Variants in ZRANB3 observed in about 807,000 individuals in gnomAD.
The protein encoded by ZRANB3 is DNA annealing helicase and endonuclease ZRANB3.
ZRANB3 carries 125 observed loss-of-function variants against 133.8 expected under a neutral mutation model. That is an observed-to-expected ratio of 0.93 (90% CI 0.81 to 1.08). The LOEUF is 1.08. Among genes scored for constraint, ZRANB3 ranks in the 50% least tolerant of loss-of-function variants. The pLI, the probability that ZRANB3 is intolerant of heterozygous loss-of-function variation, is 0.00. For missense variants in ZRANB3, 1,229 were observed against 1,275.5 expected (o/e 0.96, Z 0.56); for synonymous variants, 387 against 432.7 (o/e 0.89, Z 1.31).
chr2:135,431,232 C>CAGTG (rs1326323537), intron 2 of ZRANB3, among the ~76,000 whole-genome samples: 1 of 151,642 alleles, frequency 6.6e-6, no homozygotes, highest in Non-Finnish European at 1.5e-5. Flanking sequence ...GTCGAGGCTG[C>CAGTG]AGTGATCCAT....
intron 8 of ZRANB3, among the ~76,000 whole-genome samples, chr2:135,303,306 A>AAT (rs1265293626): frequency 6.6e-6 from 1 of 152,106 alleles, no homozygotes; most frequent in African/African-American, 2.4e-5. Context: ...AAAAGTTGGG[A>AAT]ATATTTTTAC....
At chr2:135,296,477 G>A (rs1028885246) in intron 8 of ZRANB3, among the ~76,000 whole-genome samples, 17 of 151,980 alleles carry the variant, frequency 1.1e-4, no homozygotes, top group East Asian at 3.9e-4. Flanking sequence ...TTAGCCATTC[G>A]TCTAATTTTT....
chr2:135,245,751 A>G (rs1359371083), intron 12 of ZRANB3, among the ~76,000 whole-genome samples: 1 of 149,944 alleles, frequency 6.7e-6, no homozygotes, highest in Non-Finnish European at 1.5e-5. Flanking sequence ...ACACGGAGAA[A>G]CCCCATCTCT....
chr2:135,441,061 C>A (rs1010589098), intron 2 of ZRANB3, among the ~76,000 whole-genome samples: 6 of 151,814 alleles, frequency 4.0e-5, no homozygotes, highest in African/African-American at 1.5e-4. Context: ...AAAAAAAATA[C>A]GGAAAAATCA....
rs111539193 is a variant in ZRANB3 at position 135,259,888 on chromosome 2, G to A, written c.1539+5646C>T. On this transcript the variant is annotated intron_variant, in intron 12 of 20. Transcript: ENST00000264159. ...GGCTTAGACGCCATCTAGTAATCTAGTGACTCAAATGGCTAGATAAATAAT... is the reference window on the plus strand; with the variant it reads ...GGCTTAGACGCCATCTAGTAATCTAATGACTCAAATGGCTAGATAAATAAT... Among the ~76,000 whole-genome samples, 31 of 152,088 alleles carry A rather than the reference G, an allele frequency of 2.0e-4. No homozygotes were observed. The East Asian group carries it at 3.3e-3, about 16-fold the overall frequency.
At chr2:135,405,889 C>A (rs1018610804) in intron 2 of ZRANB3, among the ~76,000 whole-genome samples, 3 of 151,834 alleles carry the variant, frequency 2.0e-5, no homozygotes, top group Admixed American at 6.6e-5. Context: ...AAATTGACAC[C>A]CTAACATCAC....
chr2:135,317,073 T>C (rs1184216382), intron 6 of ZRANB3, among the ~76,000 whole-genome samples: 1 of 150,834 alleles, frequency 6.6e-6, no homozygotes, highest in Non-Finnish European at 1.5e-5. Flanking sequence ...ATTATACACA[T>C]ACCATTTAGT....
intron 13 of ZRANB3, among the ~76,000 whole-genome samples, chr2:135,229,651 G>A (rs1694908102): frequency 6.6e-6 from 1 of 152,246 alleles, no homozygotes; most frequent in Admixed American, 6.5e-5. Context: ...ACAGGCGTGA[G>A]CCACCGCGCC....
chr2:135,319,781 T>C (rs191262162), intron 6 of ZRANB3, among the ~76,000 whole-genome samples: 224 of 152,246 alleles, frequency 1.5e-3, no homozygotes, highest in Non-Finnish European at 1.6e-3. Context: ...AATACATAAA[T>C]ATAACCCACT....
chr2:135,445,840 C>T (rs1289502482), intron 2 of ZRANB3, among the ~76,000 whole-genome samples: 3 of 144,372 alleles, frequency 2.1e-5, no homozygotes, highest in African/African-American at 5.2e-5. Flanking sequence ...TGTGCCACTG[C>T]ACTCTAGCCT....
chr2:135,267,423 G>A (rs1680302244), intron 11 of ZRANB3, among the ~76,000 whole-genome samples: 1 of 151,904 alleles, frequency 6.6e-6, no homozygotes, highest in African/African-American at 2.4e-5. Context: ...CATTCATAAG[G>A]GCAGAACCCT....
At chr2:135,384,346 T>A (rs534922984) in intron 3 of ZRANB3, among the ~76,000 whole-genome samples, 1 of 152,254 alleles carries the variant, frequency 6.6e-6, no homozygotes, top group Non-Finnish European at 1.5e-5. Context: ...ATTGAGGCAA[T>A]AATTAATAGA....
intron 2 of ZRANB3, among the ~76,000 whole-genome samples, chr2:135,486,813 C>A (rs1188044956): frequency 6.6e-6 from 1 of 152,118 alleles, no homozygotes; most frequent in Non-Finnish European, 1.5e-5. Flanking sequence ...GCACCCGGTC[C>A]CCTCTACTGA....
intron 12 of ZRANB3, among the ~76,000 whole-genome samples, chr2:135,242,086 C>A (rs768557887): frequency 1.3e-5 from 2 of 151,608 alleles, no homozygotes; most frequent in Non-Finnish European, 2.9e-5. Context: ...GGCTGAGGCA[C>A]GAGAATCGCT....
chr2:135,316,983 A>AAAAATATATAT (rs35114507), intron 6 of ZRANB3, among the ~76,000 whole-genome samples: 1 of 131,474 alleles, frequency 7.6e-6, no homozygotes. Flanking sequence ...AAAAAAAAAA[A>AAAAATATATAT]ATATATATAT....
At position 135,199,260 on chromosome 2, in the gene ZRANB3, A is replaced by G. The variant is rs2105028609; in HGVS notation, c.*1082T>C. On this transcript the variant is annotated 3_prime_UTR_variant, in exon 21 of 21. Coordinates refer to ENST00000264159, the MANE Select transcript of ZRANB3 (RefSeq NM_032143.4). ...AAAAACAGAAAATGAGAACCAGAAGACAAAGTGTATTTTGATAGTACGCTT... is the reference window on the plus strand; with the variant it reads ...AAAAACAGAAAATGAGAACCAGAAGGCAAAGTGTATTTTGATAGTACGCTT... 6.6e-6 allele frequency: 1 copy of G among 152,230 alleles called. No homozygotes were observed. The highest frequency in any genetic ancestry group is 1.9e-4 in the East Asian group (1 of 5,184). 9.4% of individuals were successfully genotyped at this position (152,230 alleles called of 1,614,324 possible).
At chr2:135,244,000 C>A (rs1223547108) in intron 12 of ZRANB3, among the ~76,000 whole-genome samples, 1 of 150,590 alleles carries the variant, frequency 6.6e-6, no homozygotes, top group African/African-American at 2.4e-5. Flanking sequence ...TATAATAGTC[C>A]ACTATCATCT....
rs1693447439 is a variant in ZRANB3, at chr2:135,197,240, A to ATGTT, written c.*3098_*3101dup. 1 of 152,202 alleles carries ATGTT rather than the reference A, an allele frequency of 6.6e-6. No homozygotes were observed. Among genetic ancestry groups the ATGTT allele is most frequent in the South Asian group, 2.1e-4 (1 of 4,830 alleles). The allele number at this position is 152,202 out of a possible 1,614,324, so 9.4% of individuals were successfully genotyped here. A position where few individuals can be genotyped will look rare whatever the true frequency, so the allele number is the denominator to read the frequency against. ...ACATTATTTTTATAATTTATTTTTG[A>ATGTT]TGTTTGATATCCATGATTCTGTATC... On this transcript the variant is annotated 3_prime_UTR_variant, in exon 21 of 21. Transcript: ENST00000264159.
At position 135,382,312 on chromosome 2, in the gene ZRANB3, G is replaced by A. The variant is rs900698766; in HGVS notation, c.180+8490C>T. 5.3e-5 allele frequency among the ~76,000 whole-genome samples: 8 copies of A among 152,200 alleles called. No individual in the cohort carries two copies. The South Asian group carries it at 8.3e-4, about 16-fold the overall frequency. ...TAGAGAAAAAAGAATAAAAAGAAAC[G>A]AACAACGCCTCCAAGAAATATGGGA... On this transcript the variant is annotated intron_variant, in intron 3 of 20. Transcript: ENST00000264159.
Sources: gnomAD v4.1 joint callset for allele counts (sites outside exome capture counted in the v4.1 genomes callset) on GRCh38, gnomAD v4.1.1 for gene constraint, MANE v1.5 for transcripts, NCBI Gene and HGNC (gene_info 2026-07-23, HGNC 2026-07-21) for gene names.